GLTPD2: variants seen among roughly 807,000 people sequenced by gnomAD.
GLTPD2 encodes the protein glycolipid transfer protein domain-containing protein 2.
Under a neutral mutation model 12.9 loss-of-function variants are expected in GLTPD2, and 12 were observed. That is an observed-to-expected ratio of 0.93 (90% confidence interval 0.59 to 1.50). The LOEUF is 1.50. GLTPD2 is among the 40% of genes most tolerant of loss of function. GLTPD2 has a pLI of 0.00. For synonymous variants in GLTPD2, 199 were observed against 205.6 expected, an observed-to-expected ratio of 0.97 and a Z score of 0.27; for missense variants, 450 against 426.2, an observed-to-expected ratio of 1.06 and a Z score of -0.49.
Position 4,790,418 on chromosome 17 carries a change from C to T in GLTPD2, c.*122C>T. The stretch of plus-strand genomic sequence containing the variant: ...CCGTATCCCGCCTCTTCCGTGACGT[C>T]GCCGCGGCGAGGGCCGCCCCCGGCA... On this transcript the variant is annotated 3_prime_UTR_variant, in exon 4 of 4. Transcript: ENST00000331264. 2.5e-6 allele frequency: 2 copies of T among 807,500 alleles called. No individual in the cohort carries two copies. The highest frequency in any genetic ancestry group is 4.1e-4 in the Middle Eastern group (1 of 2,438). 50.0% of individuals were successfully genotyped at this position (807,500 alleles called of 1,614,324 possible). A position where few individuals can be genotyped will look rare whatever the true frequency, so the allele number is the denominator to read the frequency against.
Position 4,788,965 on chromosome 17 carries a change from C to A in GLTPD2, c.-47C>A. ...GTCCCCTCCTGGAGGCGGAGGGACACGGACTGGCTAGGCGCTGGTGAGGGG... is the reference window on the plus strand; with the variant it reads ...GTCCCCTCCTGGAGGCGGAGGGACAAGGACTGGCTAGGCGCTGGTGAGGGG... On this transcript the variant is annotated 5_prime_UTR_variant, in exon 1 of 4. Transcript: ENST00000331264. The A allele has an allele frequency of 1.3e-6, 2 of 1,579,008 alleles. No homozygotes were observed. Among genetic ancestry groups the A allele is most frequent in the Non-Finnish European group, 1.7e-6 (2 of 1,166,756 alleles).
chr17:4,790,124 G>GCCTCGCCTT lies in GLTPD2; in HGVS notation c.716_724dup (p.Leu239_Phe241dup), dbSNP rs893730546. 27 of 1,450,224 alleles carry GCCTCGCCTT rather than the reference G, an allele frequency of 1.9e-5. No individual in the cohort carries two copies. Among genetic ancestry groups the GCCTCGCCTT allele is most frequent in the Non-Finnish European group, 2.2e-5 (25 of 1,112,022 alleles). The allele number at this position is 1,450,224 out of a possible 1,614,324, so 89.8% of individuals were successfully genotyped here. ...CCCTGGCTGGTCCGACAGACCGCCC[G>GCCTCGCCTT]CCTCGCCTTCCTCGCCTTCCCGGGT... On this transcript the variant is annotated inframe_insertion, in exon 4 of 4. Transcript: ENST00000331264.
Position 4,790,154 on chromosome 17 carries a change from G to A in GLTPD2, c.734G>A (p.Arg245His), listed in dbSNP as rs1369807604. 6.8e-7 allele frequency: 1 copy of A among 1,466,370 alleles called. No individual in the cohort carries two copies. Among genetic ancestry groups the A allele is most frequent in the Non-Finnish European group, 8.9e-7 (1 of 1,118,742 alleles). The allele number at this position is 1,466,370 out of a possible 1,614,324, so 90.8% of individuals were successfully genotyped here. A position where few individuals can be genotyped will look rare whatever the true frequency, so the allele number is the denominator to read the frequency against. Residue 245 changes from arginine to histidine, a missense_variant, in exon 4 of 4, where the codon CGC (arginine) becomes CAC (histidine). Arg to His is a conservative substitution (Grantham distance 29). Coordinates refer to ENST00000331264, the MANE Select transcript of GLTPD2 (RefSeq NM_001014985.3). ...GCCTTCCTCGCCTTCCCGGGTCGCC[G>A]CCGCCTGCTGGAGCTGGCGTGTCCC... ...RLAFLAFPGRRRLLELACPGA... is the reference protein window; with the variant it reads ...RLAFLAFPGRHRLLELACPGA...
In GLTPD2 at chr17:4,789,875, T is replaced by C. The variant is rs34850425; in HGVS notation, c.455T>C (p.Val152Ala). 1,580,203 of 1,582,356 alleles carry C rather than the reference T, an allele frequency of 1. 789,052 individuals carry two copies. The highest frequency in any genetic ancestry group is 1 in the East Asian group (42,592 of 42,592). ...GACGCGGAGCACTACTGGTCGCTGG[T>C]GGCCATGGCGGCGTGGGAGCGGAGG... Reference protein sequence around the residue: ...GPDAEHYWSLVAMAAWERRAG... With the variant: ...GPDAEHYWSLAAMAAWERRAG... The change falls in exon 4 of 4, where the codon GTG (valine) becomes GCG (alanine). Residue 152 changes from valine to alanine, a missense_variant. Physicochemically the swap from Val to Ala is moderately conservative, Grantham distance 64 (BLOSUM62 0). Transcript: ENST00000331264.
Position 4,790,015 on chromosome 17 carries a change from CG to C in GLTPD2, c.598del (p.Val200TrpfsTer132). On this transcript the variant is annotated frameshift_variant, in exon 4 of 4. Transcript: ENST00000331264. LOFTEE classifies it low-confidence loss of function (END_TRUNC). ...ALRWSQLCLH[R>X]VATGALGGPD... ...GCGCTGGTCCCAGCTCTGCCTCCAC[CG>C]GGTGGCGACCGGCGCGCTGGGAGGC... 5 of 1,456,798 alleles carry C rather than the reference CG, an allele frequency of 3.4e-6. No individual in the cohort carries two copies. Among genetic ancestry groups the C allele is most frequent in the Non-Finnish European group, 4.5e-6 (5 of 1,114,410 alleles). The allele number at this position is 1,456,798 out of a possible 1,614,324, so 90.2% of individuals were successfully genotyped here.
intron 2 of GLTPD2, 108 bp downstream of exon 2, chr17:4,789,398 C>T: frequency 6.6e-7 from 1 of 1,510,788 alleles, no homozygotes; most frequent in Non-Finnish European, 9.0e-7. Context: ...CCCGGTCTAC[C>T]CTCTCCCGTC....
At position 4,789,272 on chromosome 17, in the gene GLTPD2, G is replaced by T; in HGVS notation, c.153G>T (p.Gly51=). The T allele has an allele frequency of 6.3e-7, 1 of 1,592,298 alleles. No individual in the cohort carries two copies. Among genetic ancestry groups the T allele is most frequent in the Non-Finnish European group, 8.6e-7 (1 of 1,168,856 alleles). ...CCAGGGCGCAGCCCTGCGTTCCAGG[G>T]GAAACGGCGCCCTTCCAGGTACGCT... The part of the protein sequence containing the change: ...CGPRAQPCVP[G]ETAPFQVRQE... The change falls in exon 2 of 4, where the codon GGG becomes GGT. Residue 51 remains glycine, a synonymous_variant. Coordinates refer to ENST00000331264, the MANE Select transcript of GLTPD2 (RefSeq NM_001014985.3).
In GLTPD2 at chr17:4,789,515, G is replaced by A. The variant is rs986548268; in HGVS notation, c.176G>A (p.Arg59Gln). 2 of 1,613,676 alleles carry A rather than the reference G, an allele frequency of 1.2e-6. No individual in the cohort carries two copies. Among genetic ancestry groups the A allele is most frequent in the African/African-American group, 1.3e-5 (1 of 74,948 alleles). Residue 59 changes from arginine to glutamine, a missense_variant, in exon 3 of 4, where the codon CGG becomes CAG. Coordinates refer to ENST00000331264, the MANE Select transcript of GLTPD2 (RefSeq NM_001014985.3). ...CCCATCGTGTCTCCCCACCAGGTCC[G>A]GCAGGAGTCGGGAACCCTGGAGGCC... ...VPGETAPFQV[R>Q]QESGTLEAPE...
chr17:4,788,978 C>T lies in GLTPD2; in HGVS notation c.-34C>T, dbSNP rs1334920973. Reference sequence around the variant, plus strand: ...GGCGGAGGGACACGGACTGGCTAGGCGCTGGTGAGGGGGCGGCGGTCCCAG... The same window carrying T: ...GGCGGAGGGACACGGACTGGCTAGGTGCTGGTGAGGGGGCGGCGGTCCCAG... On this transcript the variant is annotated 5_prime_UTR_variant, in exon 1 of 4. Coordinates refer to ENST00000331264, the MANE Select transcript of GLTPD2 (RefSeq NM_001014985.3). 1.3e-6 allele frequency: 2 copies of T among 1,594,446 alleles called. No individual in the cohort carries two copies. The highest frequency in any genetic ancestry group is 1.7e-6 in the Non-Finnish European group (2 of 1,172,978).
In GLTPD2 at chr17:4,790,325, G is replaced by A; in HGVS notation, c.*29G>A. 1 of 1,425,428 alleles carries A rather than the reference G, an allele frequency of 7.0e-7. No homozygotes were observed. The highest frequency in any genetic ancestry group is 9.1e-7 in the Non-Finnish European group (1 of 1,098,012). 88.3% of individuals were successfully genotyped at this position (1,425,428 alleles called of 1,614,324 possible). A position where few individuals can be genotyped will look rare whatever the true frequency, so the allele number is the denominator to read the frequency against. On this transcript the variant is annotated 3_prime_UTR_variant, in exon 4 of 4. Coordinates refer to ENST00000331264, the MANE Select transcript of GLTPD2 (RefSeq NM_001014985.3). ...GGCGGCTGCGGGGACCGGCGGGAAC[G>A]GAGCGGACCGCCCGGGGTGGGGCCG...
chr17:4,790,401 C>A lies in GLTPD2; in HGVS notation c.*105C>A. 1.1e-6 allele frequency: 1 copy of A among 946,522 alleles called. No individual in the cohort carries two copies. The highest frequency in any genetic ancestry group is 1.4e-6 in the Non-Finnish European group (1 of 713,032). The allele number at this position is 946,522 out of a possible 1,614,324, so 58.6% of individuals were successfully genotyped here. The stretch of plus-strand genomic sequence containing the variant: ...CCGCGCCGCGGCCGCCTCCGTATCC[C>A]GCCTCTTCCGTGACGTCGCCGCGGC... On this transcript the variant is annotated 3_prime_UTR_variant, in exon 4 of 4. Coordinates refer to ENST00000331264, the MANE Select transcript of GLTPD2 (RefSeq NM_001014985.3).
At position 4,790,157 on chromosome 17, in the gene GLTPD2, G is replaced by T. The variant is rs763953570; in HGVS notation, c.737G>T (p.Arg246Leu). ...LAFLAFPGRR[R>L]LLELACPGAT... ...TTCCTCGCCTTCCCGGGTCGCCGCC[G>T]CCTGCTGGAGCTGGCGTGTCCCGGA... Residue 246 changes from arginine to leucine, a missense_variant, in exon 4 of 4, where the codon CGC becomes CTC. Arg to Leu is a moderately radical substitution (Grantham distance 102). Coordinates refer to ENST00000331264, the MANE Select transcript of GLTPD2 (RefSeq NM_001014985.3). 6.8e-7 allele frequency: 1 copy of T among 1,466,436 alleles called. No homozygotes were observed. The highest frequency in any genetic ancestry group is 8.9e-7 in the Non-Finnish European group (1 of 1,118,744). 90.8% of individuals were successfully genotyped at this position (1,466,436 alleles called of 1,614,324 possible).
At position 4,789,610 on chromosome 17, in the gene GLTPD2, G is replaced by A. The variant is rs1209565075; in HGVS notation, c.271G>A (p.Ala91Thr). The part of the protein sequence containing the change: ...MLGRMMRRFH[A>T]SLKPEGDVGL... ...GGGCCGCATGATGAGGCGGTTCCAC[G>A]CCAGTCTGAAACCCGAAGGGGATGT... The change falls in exon 3 of 4, where the codon GCC becomes ACC. Residue 91 changes from alanine (A) to threonine (T), a missense_variant. By Grantham distance (58) the Ala-to-Thr change is moderately conservative (BLOSUM62 0). Transcript: ENST00000331264. 1.2e-6 allele frequency: 2 copies of A among 1,613,972 alleles called. No homozygotes were observed. Among genetic ancestry groups the A allele is most frequent in the Non-Finnish European group, 1.7e-6 (2 of 1,179,994 alleles).
intron 3 of GLTPD2, 39 bp from the exon 4 acceptor site, chr17:4,789,717 TGGC>T (rs766217433): frequency 6.2e-7 from 1 of 1,612,666 alleles, no homozygotes; most frequent in Admixed American, 1.7e-5. Context: ...CCCGCCTCCT[TGGC>T]GGCTCCATCT....
At position 4,789,692 on chromosome 17, in the gene GLTPD2, G is replaced by A; in HGVS notation, c.338+15G>A. The stretch of plus-strand genomic sequence containing the variant: ...GCACTCGTCGAGTGAGTGGCCTCCC[G>A]CCCCCCAGCCGGTCCCCGCCTCCTT... On this transcript the variant is annotated intron_variant, in intron 3 of 3. Coordinates refer to ENST00000331264, the MANE Select transcript of GLTPD2 (RefSeq NM_001014985.3). The A allele has an allele frequency of 1.3e-6, 2 of 1,593,124 alleles. No homozygotes were observed. The highest frequency in any genetic ancestry group is 1.1e-5 in the South Asian group (1 of 88,950).
rs2150654946 is a variant in GLTPD2 at position 4,789,634 on chromosome 17, G to T, written c.295G>T (p.Val99Leu). Residue 99 changes from valine (V) to leucine (L), a missense_variant, in exon 3 of 4, where the codon GTG becomes TTG. Transcript: ENST00000331264. ...FHASLKPEGD[V>L]GLSPYLAGWR... ...CGCCAGTCTGAAACCCGAAGGGGAT[G>T]TGGGGCTGTCGCCGTACCTGGCGGG... The T allele has an allele frequency of 1.2e-6, 2 of 1,613,870 alleles. No individual in the cohort carries two copies. Among genetic ancestry groups the T allele is most frequent in the Non-Finnish European group, 1.7e-6 (2 of 1,180,012 alleles).
In GLTPD2 at chr17:4,790,053, C is replaced by A. The variant is rs1394616758; in HGVS notation, c.633C>A (p.Gly211=). 1 of 1,422,882 alleles carries A rather than the reference C, an allele frequency of 7.0e-7. No individual in the cohort carries two copies. Among genetic ancestry groups the A allele is most frequent in the Non-Finnish European group, 9.1e-7 (1 of 1,099,412 alleles). 88.1% of individuals were successfully genotyped at this position (1,422,882 alleles called of 1,614,324 possible). Residue 211 remains glycine (G), a synonymous_variant, in exon 4 of 4, where the codon GGC becomes GGA. Coordinates refer to ENST00000331264, the MANE Select transcript of GLTPD2 (RefSeq NM_001014985.3). ...GCGCGCTGGGAGGCCCGGACGCGGG[C>A]GTGCAGTGCAGCGACGCCTACCGTG... ...ATGALGGPDA[G]VQCSDAYRAA...
intron 1 of GLTPD2, 24 bp from the exon 2 acceptor site, chr17:4,789,202 C>T (rs758338085): frequency 6.2e-7 from 1 of 1,602,356 alleles, no homozygotes; most frequent in African/African-American, 1.3e-5. Context: ...CGAGCCCTCA[C>T]CGCTCCGCTT....
Position 4,790,520 on chromosome 17 carries a change from T to G in GLTPD2, c.*224T>G. On this transcript the variant is annotated 3_prime_UTR_variant, in exon 4 of 4. Coordinates refer to ENST00000331264, the MANE Select transcript of GLTPD2 (RefSeq NM_001014985.3). ...CTGTGAGGAATAAAAAAGCAATATT[T>G]GGCAGCGTCGACGTAGGGCGTTTTG... 1.0e-5 allele frequency: 4 copies of G among 382,400 alleles called. No individual in the cohort carries two copies. Among genetic ancestry groups the G allele is most frequent in the Non-Finnish European group, 1.4e-5 (3 of 217,964 alleles). 23.7% of individuals were successfully genotyped at this position (382,400 alleles called of 1,614,324 possible).
Sources: gnomAD v4.1 joint callset for allele counts on GRCh38, gnomAD v4.1.1 for gene constraint, MANE v1.5 for transcripts, NCBI Gene and HGNC (gene_info 2026-07-23, HGNC 2026-07-21) for gene names.